GLE1: variants seen among roughly 807,000 people sequenced by gnomAD.
GLE1 encodes GLE1 RNA export mediator.
Under a neutral mutation model 97.3 loss-of-function variants are expected in GLE1, and 78 were observed. The ratio of observed to expected loss-of-function variants is 0.80; its 90% CI spans 0.67 to 0.97. GLE1 has a LOEUF of 0.97. Among genes scored for constraint, GLE1 ranks in the 50% least tolerant of loss-of-function variants. The pLI, the probability that GLE1 is intolerant of heterozygous loss-of-function variation, is 0.00. For synonymous variants in GLE1, 302 were observed against 313.4 expected (o/e 0.96, Z 0.39); for missense variants, 753 against 857.5 (o/e 0.88, Z 1.52).
intron 3 of GLE1, among the ~76,000 whole-genome samples, chr9:128,519,801 G>T (rs1158961729): frequency 6.6e-6 from 1 of 152,162 alleles, no homozygotes; most frequent in African/African-American, 2.4e-5. Context: ...AAAACTTGCT[G>T]GTTTTACGGC....
At chr9:128,506,060 G>A (rs955293808) in intron 1 of GLE1, among the ~76,000 whole-genome samples, 13 of 152,070 alleles carry the variant, frequency 8.5e-5, no homozygotes, top group African/African-American at 2.9e-4. Context: ...ATAATCACAT[G>A]CAAGGCTAGG....
chr9:128,510,118 C>G (rs1331285806), intron 2 of GLE1, among the ~76,000 whole-genome samples: 1 of 152,080 alleles, frequency 6.6e-6, no homozygotes, highest in African/African-American at 2.4e-5. Context: ...AGTGCAGTGG[C>G]ATGAACATGG....
chr9:128,525,710 G>A (rs1047315908), intron 7 of GLE1, among the ~76,000 whole-genome samples: 1 of 151,904 alleles, frequency 6.6e-6, no homozygotes. Flanking sequence ...TACGTATAAG[G>A]GGTCAGGAGT....
At chr9:128,527,038 G>C in intron 7 of GLE1, 141 bp from the exon 8 acceptor site, 1 of 674,862 alleles carries the variant, frequency 1.5e-6, no homozygotes, top group Non-Finnish European at 2.7e-6. Flanking sequence ...ATAAAATGGA[G>C]ATAATAATAG....
intron 4 of GLE1, 36 bp downstream of exon 4, chr9:128,522,852 G>A: frequency 6.2e-7 from 1 of 1,608,634 alleles, no homozygotes; most frequent in Non-Finnish European, 8.5e-7. Context: ...GAATGTTGAT[G>A]TGTTCAACTG....
intron 3 of GLE1, among the ~76,000 whole-genome samples, chr9:128,520,692 C>CGT (rs151275204): frequency 0.029 from 4,297 of 149,604 alleles, 196 homozygotes; most frequent in African/African-American, 0.096. Flanking sequence ...TCACACACAT[C>CGT]GTGTGTGTGT....
intron 7 of GLE1, among the ~76,000 whole-genome samples, chr9:128,526,058 G>C (rs1199483595): frequency 1.3e-5 from 2 of 152,068 alleles, no homozygotes; most frequent in East Asian, 3.9e-4. Flanking sequence ...ATTTGCTCTT[G>C]TTGCCCAGGC....
chr9:128,515,784 A>C (rs1846968457), intron 3 of GLE1, 145 bp downstream of exon 3: 1 of 677,154 alleles, frequency 1.5e-6, no homozygotes, highest in Non-Finnish European at 2.7e-6. Flanking sequence ...AGAGGTCAGG[A>C]GTGAGTGCTC....
chr9:128,533,087 G>A (rs1847570717), intron 9 of GLE1, among the ~76,000 whole-genome samples: 1 of 152,048 alleles, frequency 6.6e-6, no homozygotes. Context: ...CTTCATTTCT[G>A]TAGGGCAGCA....
intron 2 of GLE1, among the ~76,000 whole-genome samples, chr9:128,510,835 T>G (rs1183060754): frequency 6.6e-6 from 1 of 151,572 alleles, no homozygotes; most frequent in East Asian, 1.9e-4. Context: ...GGCCAGTTTT[T>G]TTTTTTTTTT....
At chr9:128,521,073 G>A (rs1847138906) in intron 3 of GLE1, among the ~76,000 whole-genome samples, 1 of 152,126 alleles carries the variant, frequency 6.6e-6, no homozygotes, top group Non-Finnish European at 1.5e-5. Flanking sequence ...TTTCTCCACT[G>A]ACTGTTTTCC....
At chr9:128,520,402 GTATATATGTATATATATGTATATATGTA>G (rs1847117196) in intron 3 of GLE1, among the ~76,000 whole-genome samples, 1 of 147,458 alleles carries the variant, frequency 6.8e-6, no homozygotes, top group South Asian at 2.1e-4. Context: ...ATGTATGTGT[GTATATATGTATATATATGTATATATGTA>G]TATATATGTA....
At position 128,541,108 on chromosome 9, in the gene GLE1, T is replaced by C; in HGVS notation, c.2035T>C (p.Leu679=). 6.4e-7 allele frequency: 1 copy of C among 1,565,430 alleles called. No individual in the cohort carries two copies. The highest frequency in any genetic ancestry group is 8.8e-7 in the Non-Finnish European group (1 of 1,135,618). The change falls in exon 16 of 16, where the codon TTG becomes CTG. Residue 679 remains leucine (L), a synonymous_variant. Transcript: ENST00000309971. ...TTCATCTTTCCCTGACCAGAAATGT[T>C]TGCAACACAAGGACATTCCTGTCCC... The part of the protein sequence containing the change: ...IRLKQFLEKC[L]QHKDIPVPKG...
In GLE1 at chr9:128,539,873, C is replaced by T; in HGVS notation, c.1964+175C>T. On this transcript the variant is annotated intron_variant, in intron 14 of 15. Coordinates refer to ENST00000309971, the MANE Select transcript of GLE1 (RefSeq NM_001003722.2). The stretch of plus-strand genomic sequence containing the variant: ...GATATTTGAATAAATGCTTTTGAAC[C>T]TTAATGAGAGTCTGTCTTAAATATC... 3 of 1,505,722 alleles carry T rather than the reference C, an allele frequency of 2.0e-6. No individual in the cohort carries two copies. In the South Asian group the frequency reaches 3.7e-5, roughly 19 times the overall value. The allele number at this position is 1,505,722 out of a possible 1,614,324, so 93.3% of individuals were successfully genotyped here.
chr9:128,540,157 G>A (rs564604126), intron 14 of GLE1, 118 bp from the exon 15 acceptor site: 146 of 762,042 alleles, frequency 1.9e-4, no homozygotes, highest in African/African-American at 1.8e-3. Context: ...TCAAGGCCTC[G>A]GTGAGCTATG....
chr9:128,530,802 C>T lies in GLE1; in HGVS notation c.1313-2711C>T, dbSNP rs540006909. On this transcript the variant is annotated intron_variant, in intron 9 of 15. Transcript: ENST00000309971. ...CAGGCACCTGTAGTCCTAGCTACTC[C>T]GGAGGCTGAGGCAGGAAAATGGCAT... Among the ~76,000 whole-genome samples the T allele has an allele frequency of 3.7e-4, 55 of 150,386 alleles. No individual in the cohort carries two copies. The East Asian group carries it at 8.3e-3, about 23-fold the overall frequency.
chr9:128,533,722 G>C, intron 10 of GLE1, 39 bp from the exon 11 acceptor site: 1 of 1,612,330 alleles, frequency 6.2e-7, no homozygotes, highest in South Asian at 1.1e-5. Context: ...GCCTTTTTCT[G>C]GTATTAAGTT....
At chr9:128,519,646 G>T (rs1024814041) in intron 3 of GLE1, among the ~76,000 whole-genome samples, 2 of 148,648 alleles carry the variant, frequency 1.3e-5, no homozygotes, top group Admixed American at 6.6e-5. Flanking sequence ...ATTTCACCCT[G>T]GTCCTGTGGT....
At chr9:128,536,142 C>T (rs1300528947) in intron 11 of GLE1, among the ~76,000 whole-genome samples, 1 of 152,126 alleles carries the variant, frequency 6.6e-6, no homozygotes, top group East Asian at 1.9e-4. Context: ...AAGCAATTCT[C>T]ATGCCTCAGC....
Sources: allele counts gnomAD v4.1 joint callset (sites outside exome capture counted in the v4.1 genomes callset), GRCh38; gene constraint gnomAD v4.1.1; transcripts MANE v1.5; gene names NCBI Gene and HGNC (gene_info 2026-07-23, HGNC 2026-07-21).